NME7: variants seen among roughly 807,000 people sequenced by gnomAD.
NME7 encodes NME/NM23 family member 7.
A neutral mutation model predicts 49.1 loss-of-function variants in NME7; 41 were observed. The ratio of observed to expected loss-of-function variants is 0.83; its 90% CI spans 0.65 to 1.08. The LOEUF (loss-of-function observed/expected upper bound fraction) is 1.08. Ranked by LOEUF, NME7 falls within the 50% of genes least tolerant of loss-of-function variation. The pLI is 0.00. For missense variants in NME7, 423 were observed against 463.4 expected (o/e 0.91, Z 0.80); for synonymous variants, 139 against 150.6 (o/e 0.92, Z 0.56).
rs1204607225 is a variant in NME7, at chr1:169,258,197, T to C, written c.755-20510A>G. On this transcript the variant is annotated intron_variant, in intron 7 of 11. Transcript: ENST00000367811. Reference sequence around the variant, plus strand: ...TACAAAAAATAAGAAATTAGCTAGGTGTTGTGGCACGTGTCTGTAGTGCCA... The same window carrying C: ...TACAAAAAATAAGAAATTAGCTAGGCGTTGTGGCACGTGTCTGTAGTGCCA... Among the ~76,000 whole-genome samples, 3 of 126,078 alleles carry C rather than the reference T, an allele frequency of 2.4e-5. 1 individual carries two copies. The highest frequency in any genetic ancestry group is 8.0e-5 in the African/African-American group (3 of 37,634). The allele number at this position is 126,078 out of a possible 152,430, so 82.7% of individuals were successfully genotyped here. A position where few individuals can be genotyped will look rare whatever the true frequency, so the allele number is the denominator to read the frequency against.
intron 1 of NME7, among the ~76,000 whole-genome samples, chr1:169,330,219 A>G (rs1213508266): frequency 6.6e-6 from 1 of 152,208 alleles, no homozygotes; most frequent in Admixed American, 6.5e-5. Context: ...CAGAAAGAAA[A>G]AGACATTAAT....
chr1:169,141,485 G>A (rs757231398), intron 11 of NME7, among the ~76,000 whole-genome samples: 9 of 152,214 alleles, frequency 5.9e-5, no homozygotes, highest in Non-Finnish European at 1.0e-4. Flanking sequence ...GGATCTTGGA[G>A]TATGTCCTCG....
intron 7 of NME7, among the ~76,000 whole-genome samples, chr1:169,246,730 C>T (rs1051216264): frequency 2.6e-5 from 4 of 152,078 alleles, no homozygotes; most frequent in African/African-American, 9.7e-5. Context: ...AGGCATGTGC[C>T]ACCATGCCCA....
chr1:169,187,184 T>A (rs1660089826), intron 10 of NME7, among the ~76,000 whole-genome samples: 1 of 152,134 alleles, frequency 6.6e-6, no homozygotes, highest in Admixed American at 6.5e-5. Context: ...AACTATGTGG[T>A]CAATTTTAGA....
Position 169,274,882 on chromosome 1 carries a change from G to C in NME7, c.754+12421C>G, listed in dbSNP as rs1216798813. ...TTGGTTACTGTAGCCTTGTAGTATAGTTTGAAGTCAGGTAGCGTGATGCCT... is the reference window on the plus strand; with the variant it reads ...TTGGTTACTGTAGCCTTGTAGTATACTTTGAAGTCAGGTAGCGTGATGCCT... On this transcript the variant is annotated intron_variant, in intron 7 of 11. Transcript: ENST00000367811. Among the ~76,000 whole-genome samples the C allele has an allele frequency of 1.5e-5, 2 of 133,648 alleles. 1 individual carries two copies. The allele number at this position is 133,648 out of a possible 152,430, so 87.7% of individuals were successfully genotyped here.
chr1:169,229,384 T>C (rs1647495325), intron 10 of NME7, among the ~76,000 whole-genome samples: 1 of 152,220 alleles, frequency 6.6e-6, no homozygotes, highest in South Asian at 2.1e-4. Context: ...AATTTGTCTT[T>C]CATACCCCTG....
At chr1:169,340,037 C>T (rs1652627484) in intron 1 of NME7, among the ~76,000 whole-genome samples, 1 of 152,190 alleles carries the variant, frequency 6.6e-6, no homozygotes, top group African/African-American at 2.4e-5. Flanking sequence ...TGTACCATCC[C>T]TTGTTAGTTT....
intron 10 of NME7, among the ~76,000 whole-genome samples, chr1:169,177,773 A>G (rs1659798208): frequency 6.6e-6 from 1 of 152,072 alleles, no homozygotes. Flanking sequence ...AAAGGCACCA[A>G]GCTCTTTCCT....
In NME7 at chr1:169,256,324, T is replaced by G. The variant is rs542104901; in HGVS notation, c.755-18637A>C. Among the ~76,000 whole-genome samples the G allele has an allele frequency of 7.4e-5, 10 of 134,348 alleles. 1 individual carries two copies. Among genetic ancestry groups the G allele is most frequent in the African/African-American group, 2.5e-4 (10 of 39,682 alleles). 88.1% of individuals were successfully genotyped at this position (134,348 alleles called of 152,430 possible). A position where few individuals can be genotyped will look rare whatever the true frequency, so the allele number is the denominator to read the frequency against. On this transcript the variant is annotated intron_variant, in intron 7 of 11. Coordinates refer to ENST00000367811, the MANE Select transcript of NME7 (RefSeq NM_013330.5). The stretch of plus-strand genomic sequence containing the variant: ...TTCATTTCATTCATTTCATCTTCCA[T>G]CACTGAAACCCTTTCTTCCAGTTGA...
intron 11 of NME7, among the ~76,000 whole-genome samples, chr1:169,135,729 G>A (rs1658408855): frequency 6.6e-6 from 1 of 152,066 alleles, no homozygotes; most frequent in African/African-American, 2.4e-5. Flanking sequence ...CTAGTCATGT[G>A]AAACAAAGGG....
At chr1:169,221,423 G>GC (rs1661137973) in intron 10 of NME7, among the ~76,000 whole-genome samples, 1 of 152,068 alleles carries the variant, frequency 6.6e-6, no homozygotes, top group Non-Finnish European at 1.5e-5. Flanking sequence ...CTTCTACCTT[G>GC]CTCATTACAT....
rs536150447 is a variant in NME7, at chr1:169,188,321, C to A, written c.991-18767G>T. 1.3e-4 allele frequency among the ~76,000 whole-genome samples: 20 copies of A among 152,276 alleles called. No homozygotes were observed. In the East Asian group the frequency reaches 3.7e-3, roughly 28 times the overall value. On this transcript the variant is annotated intron_variant, in intron 10 of 11. Coordinates refer to ENST00000367811, the MANE Select transcript of NME7 (RefSeq NM_013330.5). Reference sequence around the variant, plus strand: ...GTTTTATTTCATGGCATAGGGCAAGCAACTGATCACACCTGCTTATTTTAT... The same window carrying A: ...GTTTTATTTCATGGCATAGGGCAAGAAACTGATCACACCTGCTTATTTTAT...
chr1:169,214,023 T>A (rs1224716514), intron 10 of NME7, among the ~76,000 whole-genome samples: 1 of 152,154 alleles, frequency 6.6e-6, no homozygotes, highest in African/African-American at 2.4e-5. Flanking sequence ...AGCATATCTT[T>A]TGAAGATCTA....
rs975483589 is a variant in NME7, at chr1:169,188,397, A to C, written c.991-18843T>G. 2.0e-5 allele frequency among the ~76,000 whole-genome samples: 3 copies of C among 152,284 alleles called. No individual in the cohort carries two copies. In the East Asian group the frequency reaches 5.8e-4, roughly 29 times the overall value. ...CATGATCTATACTACAGAGCTTTGG[A>C]AACTTGATTGTTCAATCACGTCTAT... On this transcript the variant is annotated intron_variant, in intron 10 of 11. Coordinates refer to ENST00000367811, the MANE Select transcript of NME7 (RefSeq NM_013330.5).
intron 6 of NME7, among the ~76,000 whole-genome samples, chr1:169,287,674 A>C (rs1467676566): frequency 6.6e-6 from 1 of 152,202 alleles, no homozygotes; most frequent in Non-Finnish European, 1.5e-5. Context: ...TATAGTGGAC[A>C]AAGATTTAAT....
At chr1:169,301,581 A>C (rs1650940998) in intron 5 of NME7, among the ~76,000 whole-genome samples, 1 of 152,150 alleles carries the variant, frequency 6.6e-6, no homozygotes, top group Non-Finnish European at 1.5e-5. Flanking sequence ...GTATATACCC[A>C]AAAGAAAAGA....
chr1:169,296,153 C>T (rs1298781104), intron 6 of NME7, among the ~76,000 whole-genome samples: 4 of 152,078 alleles, frequency 2.6e-5, no homozygotes, highest in Non-Finnish European at 4.4e-5. Flanking sequence ...CAAAAAAACT[C>T]CTCAAAAAAA....
chr1:169,298,659 C>T lies in NME7; in HGVS notation c.545G>A (p.Gly182Glu), dbSNP rs1298985030. Reference sequence around the variant, plus strand: ...TTCAGAAGCATCTGTGCGTGCCACTCCAGAGTTTGCAGGTCCCAGCAGTCT... The same window carrying T: ...TTCAGAAGCATCTGTGCGTGCCACTTCAGAGTTTGCAGGTCCCAGCAGTCT... Reference protein sequence around the residue: ...WKRLLGPANSGVARTDASESI... With the variant: ...WKRLLGPANSEVARTDASESI... Residue 182 changes from glycine to glutamate, a missense_variant, in exon 6 of 12, where the codon GGA (glycine) becomes GAA (glutamate). Transcript: ENST00000367811. The T allele has an allele frequency of 6.2e-7, 1 of 1,613,932 alleles. No homozygotes were observed.
Position 169,275,649 on chromosome 1 carries a change from C to T in NME7, c.754+11654G>A, listed in dbSNP as rs897817533. Among the ~76,000 whole-genome samples the T allele has an allele frequency of 5.4e-5, 7 of 130,760 alleles. 2 individuals carry two copies. The highest frequency in any genetic ancestry group is 8.9e-5 in the Non-Finnish European group (5 of 56,198). 85.8% of individuals were successfully genotyped at this position (130,760 alleles called of 152,430 possible). On this transcript the variant is annotated intron_variant, in intron 7 of 11. Coordinates refer to ENST00000367811, the MANE Select transcript of NME7 (RefSeq NM_013330.5). ...CCTGCAAACAGGTACAATTTGACTT[C>T]CTCTTTCCCTAATTGAATACCCTTT...
Sources: gnomAD v4.1 joint callset for allele counts (sites outside exome capture counted in the v4.1 genomes callset) on GRCh38, gnomAD v4.1.1 for gene constraint, MANE v1.5 for transcripts, NCBI Gene and HGNC (gene_info 2026-07-23, HGNC 2026-07-21) for gene names.